The following MICAL3 variants were observed in gnomAD, a reference collection of about 807,000 sequenced individuals.
MICAL3 encodes microtubule associated monooxygenase, calponin and LIM domain containing 3.
In MICAL3, 62 loss-of-function variants were observed where a neutral mutation model predicts 207.4. That is an observed-to-expected ratio of 0.30 (90% CI 0.24 to 0.37). MICAL3 has a LOEUF of 0.37. MICAL3 is among the 10% of genes least tolerant of loss of function. MICAL3 has a pLI of 1.00. For missense variants in MICAL3, 2,368 were observed against 2,635.6 expected, an observed-to-expected ratio of 0.90 and a Z score of 2.22; for synonymous variants, 1,077 against 1,069.3, an observed-to-expected ratio of 1.01 and a Z score of -0.14.
At chr22:17,940,909 G>A (rs1183816727) in intron 1 of MICAL3, among the ~76,000 whole-genome samples, 1 of 152,150 alleles carries the variant, frequency 6.6e-6, no homozygotes, top group Non-Finnish European at 1.5e-5. Context: ...GTAAACTCCT[G>A]TGATATCAGA....
At chr22:17,810,089 GTC>G (rs1368077441) in intron 28 of MICAL3, among the ~76,000 whole-genome samples, 1 of 132,998 alleles carries the variant, frequency 7.5e-6, no homozygotes, top group African/African-American at 3.0e-5. Context: ...TTGAGACAGA[GTC>G]TCTCTGTGTC....
chr22:17,901,584 C>G (rs545004337), intron 5 of MICAL3, among the ~76,000 whole-genome samples: 4 of 152,270 alleles, frequency 2.6e-5, no homozygotes, highest in Non-Finnish European at 5.9e-5. Flanking sequence ...ATGGGAGACT[C>G]GCTTGAGACC....
chr22:17,950,364 A>T, intron 1 of MICAL3, among the ~76,000 whole-genome samples: 1 of 106,400 alleles, frequency 9.4e-6, no homozygotes. Flanking sequence ...TTTTTTTGAG[A>T]CGAAGTTTCA....
chr22:17,966,594 G>A (rs1177809269), intron 1 of MICAL3, among the ~76,000 whole-genome samples: 2 of 152,154 alleles, frequency 1.3e-5, no homozygotes, highest in African/African-American at 4.8e-5. Flanking sequence ...CTTGGGAGTT[G>A]GACTGAGATT....
At chr22:17,985,744 T>C (rs954806565) in intron 1 of MICAL3, among the ~76,000 whole-genome samples, 8 of 152,118 alleles carry the variant, frequency 5.3e-5, no homozygotes, top group Non-Finnish European at 8.8e-5. Flanking sequence ...GAATCGAGGC[T>C]TTCTCATCTA....
intron 28 of MICAL3, among the ~76,000 whole-genome samples, chr22:17,810,414 T>A (rs2062035375): frequency 6.6e-6 from 1 of 151,856 alleles, no homozygotes. Flanking sequence ...GCCAGGCTGG[T>A]CTCGAACTCC....
At chr22:17,806,409 G>A (rs1482646271) in intron 29 of MICAL3, among the ~76,000 whole-genome samples, 1 of 150,856 alleles carries the variant, frequency 6.6e-6, no homozygotes, top group Non-Finnish European at 1.5e-5. Flanking sequence ...TGCTTGTCAT[G>A]AGGAATAGGA....
At chr22:17,894,404 AAAAAAAG>A (rs1169152406) in intron 10 of MICAL3, among the ~76,000 whole-genome samples, 1 of 151,770 alleles carries the variant, frequency 6.6e-6, no homozygotes, top group Non-Finnish European at 1.5e-5. Context: ...TCAAAAAAAA[AAAAAAAG>A]AAAAAAGAAA....
chr22:17,816,174 G>A (rs1920992102), intron 27 of MICAL3, among the ~76,000 whole-genome samples: 1 of 152,244 alleles, frequency 6.6e-6, no homozygotes, highest in African/African-American at 2.4e-5. Flanking sequence ...TGGAAAGTGA[G>A]GGGCTGAGTC....
chr22:17,914,144 G>A (rs1274428844), intron 1 of MICAL3, among the ~76,000 whole-genome samples: 1 of 152,174 alleles, frequency 6.6e-6, no homozygotes, highest in Non-Finnish European at 1.5e-5. Context: ...AATAAAAACG[G>A]AACAACAGGG....
chr22:17,910,584 C>A (rs1002337485), intron 1 of MICAL3, among the ~76,000 whole-genome samples: 1 of 152,206 alleles, frequency 6.6e-6, no homozygotes, highest in Non-Finnish European at 1.5e-5. Context: ...GCTCCTGGAA[C>A]AATGCGACCG....
intron 20 of MICAL3, chr22:17,839,567 CT>C (rs60451083): frequency 0.13 from 18,356 of 139,444 alleles, 1,816 homozygotes; most frequent in African/African-American, 0.28. Context: ...GGGCTCTTCC[CT>C]TTTTTTTTTT....
rs1043606912 is a variant in MICAL3, at chr22:17,963,585, G to C, written c.-74-56699C>G. On this transcript the variant is annotated intron_variant, in intron 1 of 31. Coordinates refer to ENST00000441493, the MANE Select transcript of MICAL3 (RefSeq NM_015241.3). ...ATGCAACCCCAAGGAGAGGAGGGCAGTGAGCATCTCTGACACCCCTTGGCA... is the reference window on the plus strand; with the variant it reads ...ATGCAACCCCAAGGAGAGGAGGGCACTGAGCATCTCTGACACCCCTTGGCA... 5.3e-5 allele frequency among the ~76,000 whole-genome samples: 8 copies of C among 152,270 alleles called. No individual in the cohort carries two copies. In the East Asian group the frequency reaches 1.5e-3, roughly 29 times the overall value.
At chr22:17,929,035 T>C (rs998060262) in intron 1 of MICAL3, among the ~76,000 whole-genome samples, 15 of 151,390 alleles carry the variant, frequency 9.9e-5, no homozygotes, top group African/African-American at 3.4e-4. Flanking sequence ...CCTTGTGATC[T>C]GCCCGCCTCG....
At chr22:17,960,643 T>C (rs1385485538) in intron 1 of MICAL3, among the ~76,000 whole-genome samples, 1 of 151,716 alleles carries the variant, frequency 6.6e-6, no homozygotes, top group Non-Finnish European at 1.5e-5. Flanking sequence ...ATCCTGTGGG[T>C]GTGAGACTGT....
At chr22:17,832,215 T>G in intron 20 of MICAL3, 108 bp from the exon 21 acceptor site, 2 of 1,379,576 alleles carry the variant, frequency 1.4e-6, no homozygotes, top group Non-Finnish European at 2.0e-6. Context: ...AAGCAGCTGC[T>G]GAGCAGGCGG....
intron 1 of MICAL3, among the ~76,000 whole-genome samples, chr22:17,951,752 A>C (rs1047539315): frequency 5.3e-5 from 8 of 151,154 alleles, no homozygotes; most frequent in African/African-American, 1.9e-4. Flanking sequence ...GCTTGAGTGC[A>C]GTGGCGCGAT....
chr22:17,956,468 G>C lies in MICAL3; in HGVS notation c.-74-49582C>G, dbSNP rs111402513. 6.6e-3 allele frequency among the ~76,000 whole-genome samples: 1,002 copies of C among 152,266 alleles called. 15 individuals are homozygous for C. Among genetic ancestry groups the C allele is most frequent in the African/African-American group, 0.023 (942 of 41,540 alleles). On this transcript the variant is annotated intron_variant, in intron 1 of 31. Transcript: ENST00000441493. ...GCGGGCCTCCTGAGGTCAGGAGTTC[G>C]AGATCAGCCTGACAAACATGGAGAA...
At chr22:17,897,197 C>G (rs982182502) in intron 7 of MICAL3, among the ~76,000 whole-genome samples, 6 of 151,984 alleles carry the variant, frequency 3.9e-5, no homozygotes, top group Non-Finnish European at 7.4e-5. Flanking sequence ...CTGAGGCGGG[C>G]AGATCACTTG....
Sources: gnomAD v4.1 joint callset for allele counts (sites outside exome capture counted in the v4.1 genomes callset) on GRCh38, gnomAD v4.1.1 for gene constraint, MANE v1.5 for transcripts, NCBI Gene and HGNC (gene_info 2026-07-23, HGNC 2026-07-21) for gene names.